The following FUBP1 variants were observed in gnomAD, a reference collection of about 807,000 sequenced individuals.
FUBP1 encodes far upstream element-binding protein 1.
In FUBP1, 16 loss-of-function variants were observed where a neutral mutation model predicts 94.9. That is an observed-to-expected ratio of 0.17 (90% CI 0.11 to 0.26). The LOEUF is 0.26. Ranked by LOEUF, FUBP1 falls within the 10% of genes least tolerant of loss-of-function variation. FUBP1 has a pLI of 1.00. For missense variants in FUBP1, 583 were observed against 808.6 expected, an observed-to-expected ratio of 0.72 and a Z score of 3.38; for synonymous variants, 279 against 254.9, an observed-to-expected ratio of 1.09 and a Z score of -0.90.
intron 11 of FUBP1, 24 bp downstream of exon 11, chr1:77,964,230 T>C (rs374408379): frequency 3.8e-5 from 59 of 1,554,524 alleles, no homozygotes; most frequent in Non-Finnish European, 1.1e-5. Context: ...TGCCAACACT[T>C]ACAAGATTAT....
In FUBP1 at chr1:77,945,549, C is replaced by T. The variant is rs1376467752; in HGVS notation, c.*3217G>A. Reference sequence around the variant, plus strand: ...CTATGGTCCATGCTCATCGGCTCACCAATGGCATACACTCAAAGGATTCCT... The same window carrying T: ...CTATGGTCCATGCTCATCGGCTCACTAATGGCATACACTCAAAGGATTCCT... On this transcript the variant is annotated 3_prime_UTR_variant, in exon 20 of 20. Coordinates refer to ENST00000370768, the MANE Select transcript of FUBP1 (RefSeq NM_003902.5). 4.7e-6 allele frequency: 1 copy of T among 211,976 alleles called. No homozygotes were observed. The highest frequency in any genetic ancestry group is 9.6e-6 in the Non-Finnish European group (1 of 104,576). The allele number at this position is 211,976 out of a possible 1,614,324, so 13.1% of individuals were successfully genotyped here.
In FUBP1 at chr1:77,948,194, C is replaced by G; in HGVS notation, c.*572G>C. 9.5e-7 allele frequency: 1 copy of G among 1,047,630 alleles called. No individual in the cohort carries two copies. The highest frequency in any genetic ancestry group is 5.6e-5 in the East Asian group (1 of 17,936). The allele number at this position is 1,047,630 out of a possible 1,614,324, so 64.9% of individuals were successfully genotyped here. A position where few individuals can be genotyped will look rare whatever the true frequency, so the allele number is the denominator to read the frequency against. On this transcript the variant is annotated 3_prime_UTR_variant, in exon 20 of 20. Coordinates refer to ENST00000370768, the MANE Select transcript of FUBP1 (RefSeq NM_003902.5). ...ACAGAAGGAAAAAAAATGAAGATAT[C>G]AGGATTACTTGTGCTGAAAGAGCCA...
At chr1:77,953,120 C>G (rs1242460197) in intron 18 of FUBP1, among the ~76,000 whole-genome samples, 3 of 151,794 alleles carry the variant, frequency 2.0e-5, no homozygotes, top group Non-Finnish European at 2.9e-5. Flanking sequence ...AAGACCAAGA[C>G]TCCGTCTTAA....
At chr1:77,968,459 A>ATT (rs1656920309) in intron 2 of FUBP1, among the ~76,000 whole-genome samples, 1 of 152,110 alleles carries the variant, frequency 6.6e-6, no homozygotes, top group Non-Finnish European at 1.5e-5. Flanking sequence ...ACCTTAATGT[A>ATT]TGTTAAGCAC....
At chr1:77,963,774 TA>T in intron 12 of FUBP1, 59 bp from the exon 13 acceptor site, 13 of 1,409,928 alleles carry the variant, frequency 9.2e-6, no homozygotes, top group Non-Finnish European at 1.3e-5. Flanking sequence ...TGTTTCATGA[TA>T]AAATTATTAA....
chr1:77,979,083 C>G (rs1184248883), upstream of FUBP1: 9 of 1,370,560 alleles, frequency 6.6e-6, no homozygotes, highest in Non-Finnish European at 8.8e-6. Context: ...AAAATGGCGG[C>G]CGTCGAAGCT....
chr1:77,974,472 T>C (rs1376566366), intron 1 of FUBP1, among the ~76,000 whole-genome samples: 4 of 152,132 alleles, frequency 2.6e-5, no homozygotes, highest in Non-Finnish European at 4.4e-5. Flanking sequence ...TTTCACCATG[T>C]TGCCTAGGGT....
chr1:77,969,097 T>C (rs1657036334), intron 2 of FUBP1: 1 of 1,156,946 alleles, frequency 8.6e-7, no homozygotes, highest in Non-Finnish European at 1.2e-6. Flanking sequence ...ACACATAAAA[T>C]AAAAAGAATA....
chr1:77,945,240 A>T lies in FUBP1; in HGVS notation c.*3526T>A, dbSNP rs1371303199. Among the ~76,000 whole-genome samples the T allele has an allele frequency of 6.6e-6, 1 of 151,972 alleles. No individual in the cohort carries two copies. Among genetic ancestry groups the T allele is most frequent in the Non-Finnish European group, 1.5e-5 (1 of 67,870 alleles). The stretch of plus-strand genomic sequence containing the variant: ...ATAAAAATGCAATCTACAACTAACC[A>T]AAACTCAACAGGCTCTCAAGTTTCA... On this transcript the variant is annotated 3_prime_UTR_variant, in exon 20 of 20. Transcript: ENST00000370768.
Position 77,966,974 on chromosome 1 carries a change from A to AAAT in FUBP1, c.344-20_344-19insATT. ...CCAATTACTAGTTAGAAAAAAAAAA[A>AAAT]TTTTTTTTTTGGTTGAAAGATTCTA... On this transcript the variant is annotated intron_variant, in intron 5 of 19. Transcript: ENST00000370768. 2 of 1,459,040 alleles carry AAAT rather than the reference A, an allele frequency of 1.4e-6. No homozygotes were observed. The highest frequency in any genetic ancestry group is 1.9e-6 in the Non-Finnish European group (2 of 1,053,420). 90.4% of individuals were successfully genotyped at this position (1,459,040 alleles called of 1,614,324 possible). A position where few individuals can be genotyped will look rare whatever the true frequency, so the allele number is the denominator to read the frequency against.
In FUBP1 at chr1:77,964,245, T is replaced by G; in HGVS notation, c.940+9A>C. 1.3e-6 allele frequency: 2 copies of G among 1,573,904 alleles called. No homozygotes were observed. Among genetic ancestry groups the G allele is most frequent in the South Asian group, 2.2e-5 (2 of 90,286 alleles). On this transcript the variant is annotated intron_variant, in intron 11 of 19. Transcript: ENST00000370768. ...TGCCAACACTTACAAGATTATTATA[T>G]GTACTCACCTGGCTTAAACTGAATG...
Position 77,947,968 on chromosome 1 carries a change from T to C in FUBP1, c.*798A>G. 1 of 1,015,590 alleles carries C rather than the reference T, an allele frequency of 9.8e-7. No homozygotes were observed. The highest frequency in any genetic ancestry group is 1.2e-6 in the Non-Finnish European group (1 of 835,442). 62.9% of individuals were successfully genotyped at this position (1,015,590 alleles called of 1,614,324 possible). On this transcript the variant is annotated 3_prime_UTR_variant, in exon 20 of 20. Coordinates refer to ENST00000370768, the MANE Select transcript of FUBP1 (RefSeq NM_003902.5). ...ACTGTTCTTATTAGACTACTCATATTCACTATCTGAAAACTGTTTAAAATT... is the reference window on the plus strand; with the variant it reads ...ACTGTTCTTATTAGACTACTCATATCCACTATCTGAAAACTGTTTAAAATT...
chr1:77,963,356 C>T (rs542549769), intron 13 of FUBP1, among the ~76,000 whole-genome samples: 2 of 152,148 alleles, frequency 1.3e-5, no homozygotes, highest in Non-Finnish European at 2.9e-5. Context: ...TCTCTTAGTT[C>T]GCTTTCTCTA....
intron 1 of FUBP1, among the ~76,000 whole-genome samples, chr1:77,977,196 G>A (rs1467983394): frequency 6.6e-6 from 1 of 152,120 alleles, no homozygotes; most frequent in Admixed American, 6.5e-5. Context: ...AACAATTCAT[G>A]CATTAAAACA....
At chr1:77,969,128 G>C (rs760677553) in intron 2 of FUBP1, 1 of 711,122 alleles carries the variant, frequency 1.4e-6, no homozygotes, top group Non-Finnish European at 2.1e-6. Context: ...AACATCTGAA[G>C]CATCATTAGC....
At chr1:77,961,050 T>C (rs113731631) in intron 14 of FUBP1, among the ~76,000 whole-genome samples, 4 of 152,362 alleles carry the variant, frequency 2.6e-5, no homozygotes, top group African/African-American at 9.6e-5. Flanking sequence ...ATCAATAATT[T>C]ATATCCTTTT....
Position 77,946,610 on chromosome 1 carries a change from T to C in FUBP1, c.*2156A>G. ...TATAAATAATTGCACTGTTTGCAAT[T>C]AATAAAGATTTTAAACCTTAAATGA... On this transcript the variant is annotated 3_prime_UTR_variant, in exon 20 of 20. Coordinates refer to ENST00000370768, the MANE Select transcript of FUBP1 (RefSeq NM_003902.5). 4.9e-6 allele frequency: 1 copy of C among 202,978 alleles called. No homozygotes were observed. The highest frequency in any genetic ancestry group is 7.6e-5 in the East Asian group (1 of 13,136). 12.6% of individuals were successfully genotyped at this position (202,978 alleles called of 1,614,324 possible). A position where few individuals can be genotyped will look rare whatever the true frequency, so the allele number is the denominator to read the frequency against.
intron 19 of FUBP1, 133 bp downstream of exon 19, chr1:77,949,019 CGTA>C: frequency 1.1e-6 from 1 of 948,168 alleles, no homozygotes; most frequent in Non-Finnish European, 1.6e-6. Flanking sequence ...AACAATACAC[CGTA>C]GTACTTCATT....
At chr1:77,953,008 C>A (rs936292564) in intron 18 of FUBP1, among the ~76,000 whole-genome samples, 1 of 151,364 alleles carries the variant, frequency 6.6e-6, no homozygotes, top group African/African-American at 2.4e-5. Context: ...TGTGGTTGGG[C>A]GCCTGTAATC....
Sources: gnomAD v4.1 joint callset for allele counts (sites outside exome capture counted in the v4.1 genomes callset) on GRCh38, gnomAD v4.1.1 for gene constraint, MANE v1.5 for transcripts, NCBI Gene and HGNC (gene_info 2026-07-23, HGNC 2026-07-21) for gene names.